DOCK7: variants seen among roughly 807,000 people sequenced by gnomAD.
DOCK7 encodes dedicator of cytokinesis 7, also known as dedicator of cytokinesis protein 7.
Under a neutral mutation model 271.0 loss-of-function variants are expected in DOCK7, and 138 were observed. That is an observed-to-expected ratio of 0.51 (90% CI 0.44 to 0.59). DOCK7 has a LOEUF of 0.59. Ranked by LOEUF, DOCK7 falls within the 20% of genes least tolerant of loss-of-function variation. DOCK7 has a pLI of 0.00. For missense variants in DOCK7, 2,066 were observed against 2,592.4 expected, an observed-to-expected ratio of 0.80 and a Z score of 4.41; for synonymous variants, 823 against 876.1, an observed-to-expected ratio of 0.94 and a Z score of 1.07.
chr1:62,497,054 T>C (rs1159754134), intron 37 of DOCK7, among the ~76,000 whole-genome samples: 3 of 152,156 alleles, frequency 2.0e-5, no homozygotes, highest in African/African-American at 4.8e-5. Context: ...GAAGAGATTA[T>C]TGGTGATAAT....
chr1:62,486,727 T>C (rs1191545861), intron 43 of DOCK7: 2 of 152,106 alleles, frequency 1.3e-5, no homozygotes, highest in Non-Finnish European at 2.9e-5. Flanking sequence ...TCTTTATCCC[T>C]TTCCCCAACA....
intron 22 of DOCK7, 56 bp downstream of exon 22, chr1:62,552,676 T>G: frequency 6.6e-7 from 1 of 1,505,196 alleles, no homozygotes; most frequent in Non-Finnish European, 9.0e-7. Flanking sequence ...AACTGGATAT[T>G]TCTCGTTTGT....
At chr1:62,603,931 C>T (rs1417908491) in intron 14 of DOCK7, 3 of 1,601,678 alleles carry the variant, frequency 1.9e-6, no homozygotes, top group Non-Finnish European at 2.6e-6. Context: ...CCAACCTGTA[C>T]TTAATAACTC....
At chr1:62,649,080 T>A (rs1471570566) in intron 4 of DOCK7, among the ~76,000 whole-genome samples, 3 of 152,074 alleles carry the variant, frequency 2.0e-5, no homozygotes, top group African/African-American at 7.2e-5. Flanking sequence ...ATATATATAT[T>A]AACATTACAT....
intron 12 of DOCK7, 88 bp downstream of exon 12, chr1:62,625,171 A>G (rs2149604276): frequency 7.8e-7 from 1 of 1,277,014 alleles, no homozygotes. Context: ...ACCCTCCCAT[A>G]CATGTATAGT....
intron 40 of DOCK7, among the ~76,000 whole-genome samples, chr1:62,493,999 A>C (rs1332400512): frequency 1.3e-5 from 2 of 152,232 alleles, no homozygotes; most frequent in African/African-American, 2.4e-5. Context: ...TAGATGTTAA[A>C]GTATGTAACG....
Position 62,586,535 on chromosome 1 carries a change from T to C in DOCK7, c.1772A>G (p.Tyr591Cys), listed in dbSNP as rs1179874460. 7.4e-6 allele frequency: 12 copies of C among 1,612,032 alleles called. No individual in the cohort carries two copies. The highest frequency in any genetic ancestry group is 5.3e-5 in the African/African-American group (4 of 74,860). ...CATGGCATTGCTTGGATCCTCTCCA[T>C]ACATAAACTGGACTTTCACTGTTAT... Reference protein sequence around the residue: ...RNITVKVQFMYGEDPSNAMPV... With the variant: ...RNITVKVQFMCGEDPSNAMPV... Residue 591 changes from tyrosine (Y) to cysteine (C), a missense_variant, in exon 15 of 50, where the codon TAT becomes TGT. Tyr to Cys is a radical substitution (Grantham distance 194, BLOSUM62 -2). This residue lies in a region of DOCK7 where 1,414 missense variants were observed against 1,670.4 expected (regional missense o/e 0.85). Coordinates refer to ENST00000635253, the MANE Select transcript of DOCK7 (RefSeq NM_001367561.1).
At chr1:62,562,002 A>G (rs548376402) in intron 18 of DOCK7, among the ~76,000 whole-genome samples, 2 of 151,754 alleles carry the variant, frequency 1.3e-5, no homozygotes, top group African/African-American at 2.4e-5. Flanking sequence ...ATATATGTAC[A>G]TATATATGTA....
At chr1:62,625,117 C>T (rs1459971458) in intron 12 of DOCK7, 142 bp downstream of exon 12, 1 of 616,448 alleles carries the variant, frequency 1.6e-6, no homozygotes, top group Non-Finnish European at 2.6e-6. Flanking sequence ...CTTATAGTTG[C>T]TTTTATTATT....
intron 1 of DOCK7, among the ~76,000 whole-genome samples, chr1:62,667,623 G>A (rs1297624386): frequency 1.3e-5 from 2 of 152,212 alleles, no homozygotes; most frequent in East Asian, 3.9e-4. Flanking sequence ...GCTGAGGCAG[G>A]AGAATCGCTT....
At chr1:62,672,250 T>C (rs1660098682) in intron 1 of DOCK7, among the ~76,000 whole-genome samples, 1 of 152,172 alleles carries the variant, frequency 6.6e-6, no homozygotes, top group Non-Finnish European at 1.5e-5. Flanking sequence ...TAATCATTTC[T>C]TGATACCTTA....
intron 17 of DOCK7, among the ~76,000 whole-genome samples, chr1:62,577,963 G>A (rs1350689101): frequency 6.7e-6 from 1 of 149,874 alleles, no homozygotes; most frequent in African/African-American, 2.5e-5. Flanking sequence ...TCACTCCATC[G>A]CCCAGGCCAG....
chr1:62,520,637 G>A (rs1040443092), intron 31 of DOCK7, among the ~76,000 whole-genome samples: 13 of 152,228 alleles, frequency 8.5e-5, no homozygotes, highest in Admixed American at 3.3e-4. Context: ...AAATAGGAAC[G>A]CTTTTACACT....
chr1:62,578,782 C>A, intron 17 of DOCK7, 46 bp downstream of exon 17: 1 of 1,419,984 alleles, frequency 7.0e-7, no homozygotes, highest in Non-Finnish European at 9.4e-7. Context: ...TAAATATCAC[C>A]ATTATTTTAG....
chr1:62,627,644 T>C (rs1209537016), intron 11 of DOCK7: 1 of 152,030 alleles, frequency 6.6e-6, no homozygotes, highest in East Asian at 1.9e-4. Context: ...TTTAAAATAT[T>C]ATCAAGAAAC....
At chr1:62,484,429 CTTGTA>C (rs1646233297) in intron 43 of DOCK7, 1 of 152,074 alleles carries the variant, frequency 6.6e-6, no homozygotes, top group African/African-American at 2.4e-5. Context: ...AAAATTTAAA[CTTGTA>C]TTAGTGTACT....
Position 62,544,956 on chromosome 1 carries a change from T to A in DOCK7, c.2850A>T (p.Glu950Asp), listed in dbSNP as rs1016943600. Reference protein sequence around the residue: ...PWGSNPSPSAESTQAMDRSCN... With the variant: ...PWGSNPSPSADSTQAMDRSCN... ...CTAATATAAACACCACCTGTGTTGA[T>A]TCTGCACTTGGACTGGGGTTGGATC... The change falls in exon 23 of 50, where the codon GAA becomes GAT. Residue 950 changes from glutamate to aspartate, a missense_variant. By Grantham distance (45) the Glu-to-Asp change is conservative. Around this residue, in one of 2 missense-constraint regions of DOCK7, gnomAD observed 1,414 missense variants for 1,670.4 expected, o/e 0.85. Transcript: ENST00000635253. 7 of 1,549,628 alleles carry A rather than the reference T, an allele frequency of 4.5e-6. No individual in the cohort carries two copies. In the Middle Eastern group the frequency reaches 1.2e-3, roughly 259 times the overall value.
intron 36 of DOCK7, 45 bp downstream of exon 36, chr1:62,505,636 TA>T (rs906030631): frequency 6.4e-6 from 10 of 1,564,026 alleles, no homozygotes; most frequent in Middle Eastern, 1.7e-4. Flanking sequence ...ACAATGTTAA[TA>T]AAAAAAACAA....
At position 62,654,156 on chromosome 1, in the gene DOCK7, G is replaced by A; in HGVS notation, c.148C>T (p.Pro50Ser). ...ACTGGATCTACTGCTTCGGTAAGGG[G>A]CACCTTTGTAAAAAGTTGGGATAAG... ...VGNISHHTTVPLTEAVDPVDL... is the reference protein window; with the variant it reads ...VGNISHHTTVSLTEAVDPVDL... Residue 50 changes from proline (P) to serine (S), a missense_variant, in exon 3 of 50, where the codon CCC (proline) becomes TCC (serine). Around this residue, in one of 2 missense-constraint regions of DOCK7, gnomAD observed 1,414 missense variants for 1,670.4 expected, o/e 0.85. Transcript: ENST00000635253. 1 of 1,608,476 alleles carries A rather than the reference G, an allele frequency of 6.2e-7. No homozygotes were observed. The highest frequency in any genetic ancestry group is 8.5e-7 in the Non-Finnish European group (1 of 1,177,236).
Sources: allele counts gnomAD v4.1 joint callset (sites outside exome capture counted in the v4.1 genomes callset), GRCh38; gene constraint gnomAD v4.1.1; regional missense constraint gnomAD v4.1.1; transcripts MANE v1.5; gene names NCBI Gene and HGNC (gene_info 2026-07-23, HGNC 2026-07-21).